The following RAD54L2 variants were observed in gnomAD, a reference collection of about 807,000 sequenced individuals.
The protein encoded by RAD54L2 is RAD54 like 2.
Under a neutral mutation model 138.4 loss-of-function variants are expected in RAD54L2, and 27 were observed. The ratio of observed to expected loss-of-function variants is 0.20; its 90% CI spans 0.14 to 0.27. RAD54L2 has a LOEUF of 0.27. Ranked by LOEUF, RAD54L2 falls within the 10% of genes least tolerant of loss-of-function variation. The pLI is 1.00. For missense variants in RAD54L2, 1,396 were observed against 1,890.2 expected (o/e 0.74, Z 4.85); for synonymous variants, 644 against 723.2 (o/e 0.89, Z 1.76).
At chr3:51,575,178 G>A (rs1221857409) in intron 2 of RAD54L2, among the ~76,000 whole-genome samples, 1 of 152,138 alleles carries the variant, frequency 6.6e-6, no homozygotes, top group African/African-American at 2.4e-5. Context: ...TATTATTTCT[G>A]AGGGCTCTGT....
chr3:51,620,117 G>A (rs1700535517), intron 3 of RAD54L2, among the ~76,000 whole-genome samples: 1 of 151,904 alleles, frequency 6.6e-6, no homozygotes, highest in African/African-American at 2.4e-5. Context: ...TTAATAGACA[G>A]GGTCTTGCTC....
intron 6 of RAD54L2, 55 bp from the exon 7 acceptor site, chr3:51,630,650 A>G: frequency 7.2e-7 from 1 of 1,391,164 alleles, no homozygotes; most frequent in Non-Finnish European, 1.0e-6. Flanking sequence ...GACTGTGTGC[A>G]GTAAATTATC....
rs1287857570 is a variant in RAD54L2 at position 51,635,630 on chromosome 3, G to A, written c.1180G>A (p.Val394Met). The change falls in exon 10 of 23, where the codon GTG becomes ATG. Residue 394 changes from valine to methionine, a missense_variant. Physicochemically the swap from Val to Met is conservative, Grantham distance 21. Around this residue, in one of 7 missense-constraint regions of RAD54L2, gnomAD observed 169 missense variants for 235.6 expected, o/e 0.72. Coordinates refer to ENST00000684192, the MANE Select transcript of RAD54L2 (RefSeq NM_015106.4). ...ASRAKVMADWVSEGGVLLMGY... is the reference protein window; with the variant it reads ...ASRAKVMADWMSEGGVLLMGY... ...TCGTGCTAAAGTGATGGCTGATTGG[G>A]TGTCAGAGGGTGGCGTGCTGCTGAT... The A allele has an allele frequency of 1.2e-6, 2 of 1,613,134 alleles. No individual in the cohort carries two copies. The highest frequency in any genetic ancestry group is 1.7e-6 in the Non-Finnish European group (2 of 1,179,598).
chr3:51,581,780 T>G (rs992393436), intron 2 of RAD54L2, among the ~76,000 whole-genome samples: 6 of 152,166 alleles, frequency 3.9e-5, no homozygotes, highest in Non-Finnish European at 2.9e-5. Context: ...TCCAAGCCTC[T>G]TCAGTCTCAT....
intron 19 of RAD54L2, among the ~76,000 whole-genome samples, chr3:51,653,599 C>T (rs567725221): frequency 6.6e-6 from 1 of 152,210 alleles, no homozygotes; most frequent in Non-Finnish European, 1.5e-5. Context: ...TACTATGCAG[C>T]CATAAAAAAG....
At chr3:51,626,831 C>T (rs1273314735) in intron 3 of RAD54L2, among the ~76,000 whole-genome samples, 6 of 152,156 alleles carry the variant, frequency 3.9e-5, no homozygotes, top group Non-Finnish European at 7.4e-5. Context: ...ATAGTTCCTT[C>T]ATGATCATTA....
In RAD54L2 at chr3:51,629,394, G is replaced by A. The variant is rs775007020; in HGVS notation, c.402G>A (p.Leu134=). Residue 134 remains leucine (L), a synonymous_variant, in exon 5 of 23, where the codon TTG becomes TTA. Transcript: ENST00000684192. The part of the protein sequence containing the change: ...PVTKAAQQEE[L]ERRKRLEQQR... The stretch of plus-strand genomic sequence containing the variant: ...CCAAAGCAGCACAGCAAGAAGAGTT[G>A]GAAAGAAGGAAGCGCCTGGAGCAGC... 1.2e-6 allele frequency: 2 copies of A among 1,606,694 alleles called. No individual in the cohort carries two copies. Among genetic ancestry groups the A allele is most frequent in the South Asian group, 2.2e-5 (2 of 89,392 alleles).
intron 19 of RAD54L2, among the ~76,000 whole-genome samples, chr3:51,652,898 G>T (rs1314254246): frequency 1.3e-5 from 2 of 152,146 alleles, no homozygotes; most frequent in African/African-American, 2.4e-5. Flanking sequence ...AACACCAAAA[G>T]TAATGGCAAT....
chr3:51,634,358 A>ATTTTTTT (rs61565460), intron 9 of RAD54L2, among the ~76,000 whole-genome samples: 2 of 94,964 alleles, frequency 2.1e-5, no homozygotes, highest in African/African-American at 4.4e-5. Context: ...CCACTGTCTG[A>ATTTTTTT]TTTTTTTTTT....
intron 5 of RAD54L2, 91 bp from the exon 6 acceptor site, chr3:51,630,181 A>G: frequency 1.0e-6 from 1 of 979,372 alleles, no homozygotes; most frequent in South Asian, 1.4e-5. Flanking sequence ...CATGAGAGCT[A>G]TAAAAGAAAA....
rs760046858 is a variant in RAD54L2, at chr3:51,663,192, C to G, written c.4176C>G (p.Ser1392=). Residue 1392 remains serine, a synonymous_variant, in exon 23 of 23, where the codon TCC becomes TCG. Transcript: ENST00000684192. ...YSLPFSQPLL[S]EPRMFAPFPS... ...TCCCATTCTCACAGCCACTCCTGTC[C>G]GAGCCGAGGATGTTTGCGCCTTTTC... 1 of 1,613,970 alleles carries G rather than the reference C, an allele frequency of 6.2e-7. No homozygotes were observed. The highest frequency in any genetic ancestry group is 1.3e-5 in the African/African-American group (1 of 75,040).
chr3:51,640,026 CTG>C lies in RAD54L2; in HGVS notation c.2231+33_2231+34del, dbSNP rs567500814. On this transcript the variant is annotated intron_variant, in intron 14 of 22. Transcript: ENST00000684192. The stretch of plus-strand genomic sequence containing the variant: ...TAGGATGAGAAACTTCCATTTGAGG[CTG>C]TGTGTCTATGGTAAAGAATGACAAA... 4.2e-5 allele frequency: 63 copies of C among 1,509,160 alleles called. No individual in the cohort carries two copies. The South Asian group carries it at 7.0e-4, about 17-fold the overall frequency. The allele number at this position is 1,509,160 out of a possible 1,614,324, so 93.5% of individuals were successfully genotyped here.
intron 2 of RAD54L2, among the ~76,000 whole-genome samples, chr3:51,564,488 G>A (rs1485425066): frequency 6.6e-6 from 1 of 152,212 alleles, no homozygotes; most frequent in Admixed American, 6.5e-5. Flanking sequence ...TGGAGAGACT[G>A]GATAGGAGGA....
chr3:51,639,197 C>G (rs1407229622), intron 12 of RAD54L2: 1 of 563,084 alleles, frequency 1.8e-6, no homozygotes. Flanking sequence ...TGGCATGGCT[C>G]CTGGTATGCA....
At chr3:51,597,554 G>A (rs191762442) in intron 3 of RAD54L2, among the ~76,000 whole-genome samples, 150 of 152,174 alleles carry the variant, frequency 9.9e-4, no homozygotes, top group Non-Finnish European at 1.7e-3. Context: ...TTGGCTGGGC[G>A]CGGTGGCTCA....
intron 2 of RAD54L2, among the ~76,000 whole-genome samples, chr3:51,560,060 C>CT (rs1395039352): frequency 6.6e-6 from 1 of 150,704 alleles, no homozygotes; most frequent in Non-Finnish European, 1.5e-5. Context: ...AGATGAGAAA[C>CT]TAAGTGATTT....
rs372993487 is a variant in RAD54L2, at chr3:51,638,371, G to A, written c.1860+50G>A. 3.1e-6 allele frequency: 5 copies of A among 1,592,716 alleles called. No individual in the cohort carries two copies. The African/African-American group carries it at 6.7e-5, about 21-fold the overall frequency. On this transcript the variant is annotated intron_variant, in intron 12 of 22. Transcript: ENST00000684192. This position sits in a 1 kb window ranked among gnomAD's most constrained non-coding sequence, Gnocchi z 4.3. ...TGAGATGGGGACTAAGGATACACAT[G>A]GTCCCAAGGGAGTTACTCCTACTGA...
At chr3:51,558,916 C>T (rs774017352) in intron 2 of RAD54L2, among the ~76,000 whole-genome samples, 36 of 152,266 alleles carry the variant, frequency 2.4e-4, no homozygotes, top group South Asian at 1.5e-3. Flanking sequence ...CACTCTTGCC[C>T]AGGCTGGAGT....
intron 2 of RAD54L2, among the ~76,000 whole-genome samples, chr3:51,586,625 G>A (rs1232343346): frequency 4.7e-5 from 7 of 149,278 alleles, no homozygotes; most frequent in Admixed American, 1.4e-4. Context: ...CTGGAGTGCA[G>A]TGGTGGGATC....
Sources: gnomAD v4.1 joint callset for allele counts (sites outside exome capture counted in the v4.1 genomes callset) on GRCh38, gnomAD v4.1.1 for gene constraint, gnomAD v4.1.1 regional missense constraint, Gnocchi (gnomAD v3.1) non-coding constraint, MANE v1.5 for transcripts, NCBI Gene and HGNC (gene_info 2026-07-23, HGNC 2026-07-21) for gene names.